The following RBFOX1 variants were observed in gnomAD, a reference collection of about 807,000 sequenced individuals.
RBFOX1 encodes the protein RNA binding protein fox-1 homolog 1.
In RBFOX1, 8 loss-of-function variants were observed where a neutral mutation model predicts 57.7. The ratio of observed to expected loss-of-function variants is 0.14; its 90% CI spans 0.08 to 0.25. RBFOX1 has a LOEUF of 0.25. Among genes scored for constraint, RBFOX1 ranks in the 10% least tolerant of loss-of-function variants. The pLI is 1.00. For missense variants in RBFOX1, 611 were observed against 548.5 expected (o/e 1.11, Z -1.14); for synonymous variants, 326 against 222.4 (o/e 1.47, Z -4.15).
intron 2 of RBFOX1, among the ~76,000 whole-genome samples, chr16:6,396,456 C>T (rs1034671700): frequency 2.0e-5 from 3 of 151,728 alleles, no homozygotes; most frequent in Non-Finnish European, 2.9e-5. Flanking sequence ...AAGGAAGATG[C>T]AGATTTACCT....
chr16:6,895,448 G>GTA (rs71147622), intron 3 of RBFOX1, among the ~76,000 whole-genome samples: 87 of 54,608 alleles, frequency 1.6e-3, no homozygotes, highest in Non-Finnish European at 2.1e-3. Flanking sequence ...GTGTGTGTGT[G>GTA]TATATATATA....
At chr16:7,373,509 C>G (rs1318603696) in intron 4 of RBFOX1, among the ~76,000 whole-genome samples, 1 of 152,076 alleles carries the variant, frequency 6.6e-6, no homozygotes, top group East Asian at 1.9e-4. Flanking sequence ...TCTCCAGTCC[C>G]TTGTAATAAA....
intron 1 of RBFOX1, among the ~76,000 whole-genome samples, chr16:6,263,431 A>C (rs541468692): frequency 6.6e-6 from 1 of 152,172 alleles, no homozygotes; most frequent in Non-Finnish European, 1.5e-5. Flanking sequence ...GGTTGGGGGA[A>C]AAAAGTAAAC....
intron 2 of RBFOX1, among the ~76,000 whole-genome samples, chr16:6,484,516 C>T (rs1449220997): frequency 1.3e-5 from 2 of 152,074 alleles, no homozygotes; most frequent in Non-Finnish European, 1.5e-5. Flanking sequence ...TGTGCCTTGC[C>T]TTCTCAAGTG....
chr16:5,690,559 T>G (rs1351882104), intron 3 of RBFOX1, among the ~76,000 whole-genome samples: 1 of 132,792 alleles, frequency 7.5e-6, no homozygotes, highest in Non-Finnish European at 1.8e-5. Context: ...GTGGCCAGTC[T>G]GCTTGAAAAC....
chr16:6,642,955 T>G (rs777362736), intron 2 of RBFOX1, among the ~76,000 whole-genome samples: 11 of 152,194 alleles, frequency 7.2e-5, no homozygotes, highest in Non-Finnish European at 1.5e-4. Flanking sequence ...TTTGTATGAT[T>G]TCAGGTGAAA....
At chr16:5,523,693 T>C (rs762448546) in intron 2 of RBFOX1, among the ~76,000 whole-genome samples, 1 of 152,192 alleles carries the variant, frequency 6.6e-6, no homozygotes, top group African/African-American at 2.4e-5. Context: ...TTTGGAAAAA[T>C]ACCCAGTAGT....
intron 5 of RBFOX1, among the ~76,000 whole-genome samples, chr16:7,579,274 TTA>T (rs1266353813): frequency 4.6e-5 from 7 of 152,196 alleles, no homozygotes; most frequent in Non-Finnish European, 1.0e-4. Flanking sequence ...TTACATTTAA[TTA>T]TGTTTTATCT....
chr16:6,735,367 A>T (rs902087775), intron 3 of RBFOX1, among the ~76,000 whole-genome samples: 3 of 152,328 alleles, frequency 2.0e-5, no homozygotes, highest in Middle Eastern at 3.4e-3. Flanking sequence ...GGGAGCTTGT[A>T]CCTACTATTC....
intron 5 of RBFOX1, among the ~76,000 whole-genome samples, chr16:7,555,940 C>A (rs9927593): frequency 6.2e-4 from 94 of 152,256 alleles, no homozygotes; most frequent in African/African-American, 2.2e-3. Flanking sequence ...CTAAAACTTA[C>A]GTTCCTTGAG....
chr16:6,380,175 A>T (rs530721738), intron 2 of RBFOX1, among the ~76,000 whole-genome samples: 5 of 152,230 alleles, frequency 3.3e-5, no homozygotes, highest in Admixed American at 1.3e-4. Flanking sequence ...AAATAGCCAC[A>T]TGGAAAATGG....
intron 6 of RBFOX1, among the ~76,000 whole-genome samples, chr16:7,581,496 A>G (rs971896681): frequency 6.6e-6 from 1 of 152,098 alleles, no homozygotes; most frequent in Non-Finnish European, 1.5e-5. Flanking sequence ...GATCCCCTTA[A>G]TGACCGTCCT....
chr16:7,146,821 A>T lies in RBFOX1; in HGVS notation c.27+94723A>T, dbSNP rs78895286. On this transcript the variant is annotated intron_variant, in intron 4 of 15. Transcript: ENST00000550418. ...AAAAATATATCCAAGGATGTGGCACATGCCTGTAGTCCCAGCTACTTGGGA... is the reference window on the plus strand; with the variant it reads ...AAAAATATATCCAAGGATGTGGCACTTGCCTGTAGTCCCAGCTACTTGGGA... 3.4e-3 allele frequency among the ~76,000 whole-genome samples: 504 copies of T among 150,044 alleles called. 11 individuals are homozygous for T. In the East Asian group the frequency reaches 0.065, roughly 19 times the overall value.
At chr16:7,225,007 C>T (rs570944047) in intron 4 of RBFOX1, among the ~76,000 whole-genome samples, 1 of 152,172 alleles carries the variant, frequency 6.6e-6, no homozygotes, top group South Asian at 2.1e-4. Flanking sequence ...TATGCTAAGA[C>T]ATTTTTGTGA....
At position 5,803,754 on chromosome 16, in the gene RBFOX1, G is replaced by A. The variant is rs546075715; in HGVS notation, c.319-63549G>A. ...AATAGGATGCATTATCTACCTTCTT[G>A]ATCCCCTTTCTATTATCTCATGCTC... On this transcript the variant is annotated intron_variant, in intron 3 of 19. Coordinates refer to the RBFOX1 transcript ENST00000641259. 1.4e-4 allele frequency among the ~76,000 whole-genome samples: 22 copies of A among 152,258 alleles called. No individual in the cohort carries two copies. The South Asian group carries it at 4.4e-3, about 30-fold the overall frequency.
intron 3 of RBFOX1, among the ~76,000 whole-genome samples, chr16:6,806,178 C>T (rs1372271181): frequency 6.6e-6 from 1 of 152,070 alleles, no homozygotes; most frequent in Non-Finnish European, 1.5e-5. Context: ...TGCCACAGGT[C>T]ACAATATAAG....
intron 3 of RBFOX1, among the ~76,000 whole-genome samples, chr16:6,976,786 T>G (rs1448890350): frequency 2.9e-5 from 1 of 34,868 alleles, no homozygotes; most frequent in East Asian, 5.5e-4. Flanking sequence ...ATCAATATAT[T>G]ATATATATGA....
At chr16:6,726,708 G>A (rs1050261054) in intron 3 of RBFOX1, among the ~76,000 whole-genome samples, 5 of 152,102 alleles carry the variant, frequency 3.3e-5, no homozygotes, top group Admixed American at 6.5e-5. Flanking sequence ...TTGCCTGTGC[G>A]TTTTCTCTTC....
intron 2 of RBFOX1, among the ~76,000 whole-genome samples, chr16:5,555,352 C>T (rs779911467): frequency 1.3e-5 from 2 of 152,140 alleles, no homozygotes; most frequent in South Asian, 2.1e-4. Context: ...CTCCTGGGCT[C>T]AAGCAATTCT....
Sources: allele counts gnomAD v4.1 joint callset (sites outside exome capture counted in the v4.1 genomes callset), GRCh38; gene constraint gnomAD v4.1.1; transcripts MANE v1.5; gene names NCBI Gene and HGNC (gene_info 2026-07-23, HGNC 2026-07-21).